PGM1: variants seen among roughly 807,000 people sequenced by gnomAD.
The protein encoded by PGM1 is phosphoglucomutase-1.
In PGM1, 52 loss-of-function variants were observed where a neutral mutation model predicts 55.6. The observed-to-expected ratio is 0.94, with a 90% CI of 0.75 to 1.18. The LOEUF is 1.18. Ranked by LOEUF, PGM1 falls within the 50% of genes most tolerant of loss-of-function variation. The pLI is 0.00. For missense variants in PGM1, 724 were observed against 729.3 expected (o/e 0.99, Z 0.08); for synonymous variants, 287 against 271.7 (o/e 1.06, Z -0.55).
chr1:63,625,469 G>A (rs1033571982), intron 1 of PGM1, among the ~76,000 whole-genome samples: 7 of 152,170 alleles, frequency 4.6e-5, no homozygotes, highest in African/African-American at 1.4e-4. Flanking sequence ...AATCGGATGC[G>A]CTTTAAACCT....
At chr1:63,648,880 A>T (rs920585107) in intron 8 of PGM1, among the ~76,000 whole-genome samples, 5 of 152,268 alleles carry the variant, frequency 3.3e-5, no homozygotes, top group African/African-American at 1.2e-4. Flanking sequence ...AATCAAAAGA[A>T]TAAATGCTTT....
In PGM1 at chr1:63,638,770, T is replaced by C; in HGVS notation, c.1114T>C (p.Ser372Pro). ...FGNLMDASKL[S>P]LCGEESFGTG... ...GAATTTGATGGACGCGAGCAAACTG[T>C]CCCTTTGTGGGGAGGAGAGCTTCGG... The change falls in exon 7 of 11, where the codon TCC (serine) becomes CCC (proline). Residue 372 changes from serine to proline, a missense_variant. Ser to Pro is a moderately conservative substitution (Grantham distance 74). Transcript: ENST00000371084. The C allele has an allele frequency of 1.2e-6, 2 of 1,614,058 alleles. No individual in the cohort carries two copies. Among genetic ancestry groups the C allele is most frequent in the Non-Finnish European group, 1.7e-6 (2 of 1,179,906 alleles).
rs532732146 is a variant in PGM1 at position 63,622,855 on chromosome 1, G to A, written c.247-6570G>A. 2.6e-5 allele frequency among the ~76,000 whole-genome samples: 4 copies of A among 152,284 alleles called. No homozygotes were observed. In the East Asian group the frequency reaches 7.7e-4, roughly 29 times the overall value. On this transcript the variant is annotated intron_variant, in intron 1 of 10. Coordinates refer to ENST00000371084, the MANE Select transcript of PGM1 (RefSeq NM_002633.3). The stretch of plus-strand genomic sequence containing the variant: ...AATGACAGTGATGTAAGAAAACCAG[G>A]GGTAAATTAAGCTCCCTCACTTCCA...
intron 1 of PGM1, among the ~76,000 whole-genome samples, chr1:63,597,409 T>A (rs1648109741): frequency 6.6e-6 from 1 of 152,202 alleles, no homozygotes; most frequent in African/African-American, 2.4e-5. Context: ...AACAACATAT[T>A]TACAAGTACC....
At position 63,634,944 on chromosome 1, in the gene PGM1, C is replaced by A. The variant is rs997864951; in HGVS notation, c.798C>A (p.Leu266=). The A allele has an allele frequency of 6.2e-7, 1 of 1,614,078 alleles. No individual in the cohort carries two copies. Residue 266 remains leucine (L), a synonymous_variant, in exon 5 of 11, where the codon CTC becomes CTA. Transcript: ENST00000371084. ...GAGGCCACCACCCTGACCCCAACCT[C>A]ACCTATGCAGCTGACCTGGTGGAGA... is the stretch of plus-strand genomic sequence containing the variant. ...DFGGHHPDPN[L]TYAADLVETM... is the part of the protein sequence containing the mutation.
chr1:63,654,418 C>T lies in PGM1; in HGVS notation c.1551C>T (p.Tyr517=). 1 of 1,614,056 alleles carries T rather than the reference C, an allele frequency of 6.2e-7. No homozygotes were observed. Among genetic ancestry groups the T allele is most frequent in the Admixed American group, 1.7e-5 (1 of 60,026 alleles). ...TGSAGATIRL[Y]IDSYEKDVAK... ...GTGCCGGGGCCACCATTCGGCTGTA[C>T]ATCGATAGCTATGAGAAGGACGTTG... Residue 517 remains tyrosine (Y), a synonymous_variant, in exon 10 of 11, where the codon TAC becomes TAT. Transcript: ENST00000371084.
At chr1:63,620,420 T>C (rs1427622006) in intron 1 of PGM1, among the ~76,000 whole-genome samples, 3 of 152,188 alleles carry the variant, frequency 2.0e-5, no homozygotes, top group African/African-American at 7.2e-5. Flanking sequence ...GCCAAATTTC[T>C]GCCTTTCTTT....
chr1:63,620,888 G>A (rs555514003), intron 1 of PGM1, among the ~76,000 whole-genome samples: 11 of 152,302 alleles, frequency 7.2e-5, no homozygotes, highest in Admixed American at 5.9e-4. Context: ...AATTGGGTTC[G>A]CTATGCTCGA....
chr1:63,598,003 T>C (rs1648131028), intron 1 of PGM1, among the ~76,000 whole-genome samples: 1 of 152,176 alleles, frequency 6.6e-6, no homozygotes, highest in Non-Finnish European at 1.5e-5. Context: ...ATGGTCTTAC[T>C]CTGTTGCCCA....
At chr1:63,637,053 A>G (rs1434158243) in intron 6 of PGM1, among the ~76,000 whole-genome samples, 1 of 152,260 alleles carries the variant, frequency 6.6e-6, no homozygotes, top group African/African-American at 2.4e-5. Context: ...GGAAAACATT[A>G]GTTAGAATAT....
At chr1:63,656,200 A>G (rs1649961322) in intron 10 of PGM1, among the ~76,000 whole-genome samples, 1 of 152,226 alleles carries the variant, frequency 6.6e-6, no homozygotes, top group African/African-American at 2.4e-5. Flanking sequence ...ACTAATCATC[A>G]GGGAAATGAA....
intron 1 of PGM1, among the ~76,000 whole-genome samples, chr1:63,595,340 A>C (rs973688537): frequency 6.6e-6 from 1 of 152,192 alleles, no homozygotes; most frequent in African/African-American, 2.4e-5. Context: ...TAATGGCAGC[A>C]CTAAGAGTCC....
intron 9 of PGM1, among the ~76,000 whole-genome samples, chr1:63,653,108 T>C (rs947788051): frequency 6.6e-6 from 1 of 152,094 alleles, no homozygotes; most frequent in East Asian, 1.9e-4. Flanking sequence ...TAAAGGTGTG[T>C]ATAGGAGACA....
chr1:63,611,374 T>C (rs1320562279), intron 1 of PGM1, among the ~76,000 whole-genome samples: 1 of 152,106 alleles, frequency 6.6e-6, no homozygotes, highest in Non-Finnish European at 1.5e-5. Flanking sequence ...AGCACAGCCT[T>C]AGACTGTAAA....
At chr1:63,611,150 G>A (rs1648554031) in intron 1 of PGM1, among the ~76,000 whole-genome samples, 1 of 152,184 alleles carries the variant, frequency 6.6e-6, no homozygotes, top group Admixed American at 6.5e-5. Context: ...AATATAGTGT[G>A]AGAAGTGCCT....
intron 6 of PGM1, among the ~76,000 whole-genome samples, chr1:63,637,481 A>G (rs1225075209): frequency 6.6e-6 from 1 of 152,234 alleles, no homozygotes; most frequent in Non-Finnish European, 1.5e-5. Flanking sequence ...AATAGCCACT[A>G]ATATCCATAT....
chr1:63,644,733 C>A (rs1307316982), intron 7 of PGM1, among the ~76,000 whole-genome samples: 1 of 152,092 alleles, frequency 6.6e-6, no homozygotes, highest in African/African-American at 2.4e-5. Context: ...TTCTGTTTTG[C>A]AGTTGAAGAA....
chr1:63,608,380 G>A lies in PGM1; in HGVS notation c.246+14646G>A, dbSNP rs181117725. 1.9e-4 allele frequency among the ~76,000 whole-genome samples: 29 copies of A among 152,278 alleles called. No individual in the cohort carries two copies. In the East Asian group the frequency reaches 5.4e-3, roughly 28 times the overall value. ...GGGAAGGTTTGTTAAAATATAAACC[G>A]ACAAAATGGCCAAATACCCGGCCCT... On this transcript the variant is annotated intron_variant, in intron 1 of 10. Coordinates refer to ENST00000371084, the MANE Select transcript of PGM1 (RefSeq NM_002633.3).
At position 63,641,332 on chromosome 1, in the gene PGM1, A is replaced by G. The variant is rs376589735; in HGVS notation, c.1144+2532A>G. 7.9e-5 allele frequency among the ~76,000 whole-genome samples: 12 copies of G among 152,344 alleles called. 3 individuals carry two copies. Among genetic ancestry groups the G allele is most frequent in the East Asian group, 1.9e-4 (1 of 5,176 alleles). On this transcript the variant is annotated intron_variant, in intron 7 of 10. Coordinates refer to ENST00000371084, the MANE Select transcript of PGM1 (RefSeq NM_002633.3). The stretch of plus-strand genomic sequence containing the variant: ...AAAATTTTTGTGTAATATTTCTGAG[A>G]TAAACATTTAAACAGCCAGGCTGCA...
Sources: allele counts gnomAD v4.1 joint callset (sites outside exome capture counted in the v4.1 genomes callset), GRCh38; gene constraint gnomAD v4.1.1; transcripts MANE v1.5; gene names NCBI Gene and HGNC (gene_info 2026-07-23, HGNC 2026-07-21).